BCAS3: variants seen among roughly 807,000 people sequenced by gnomAD.
The protein encoded by BCAS3 is BCAS4/BCAS3 fusion.
In BCAS3, 53 loss-of-function variants were observed where a neutral mutation model predicts 116.1. The ratio of observed to expected loss-of-function variants is 0.46; its 90% confidence interval spans 0.37 to 0.57. The LOEUF (loss-of-function observed/expected upper bound fraction) is 0.57. Ranked by LOEUF, BCAS3 falls within the 20% of genes least tolerant of loss-of-function variation. BCAS3 has a pLI of 0.00. For synonymous variants in BCAS3, 391 were observed against 408.2 expected (o/e 0.96, Z 0.51); for missense variants, 917 against 1,165.4 (o/e 0.79, Z 3.10).
In BCAS3 at chr17:61,065,522, A is replaced by G. The variant is rs912948746; in HGVS notation, c.2030-9398A>G. Among the ~76,000 whole-genome samples the G allele has an allele frequency of 6.6e-6, 1 of 152,212 alleles. No homozygotes were observed. Among genetic ancestry groups the G allele is most frequent in the African/African-American group, 2.4e-5 (1 of 41,468 alleles). ...GTGAACTTTGAGCCTGAGCTGTTTC[A>G]TTCAAGGCAGCATGATGTCATTTAA... On this transcript the variant is annotated intron_variant, in intron 19 of 23. Coordinates refer to ENST00000407086, the MANE Select transcript of BCAS3 (RefSeq NM_017679.5). The surrounding 1 kb of genome is among the most constrained non-coding windows in gnomAD (Gnocchi z 4.8).
In BCAS3 at chr17:61,354,777, T is replaced by A. The variant is rs146299121; in HGVS notation, c.2426-13550T>A. On this transcript the variant is annotated intron_variant, in intron 22 of 23. Transcript: ENST00000407086. This position sits in a 1 kb window ranked among gnomAD's most constrained non-coding sequence, Gnocchi z 4.5. ...TGACCACACACTCCAAATACACATG[T>A]TTATTGCCCAAGCTGGGAACACCAT... 1.1e-3 allele frequency: 163 copies of A among 152,308 alleles called. 1 individual carries two copies. Among genetic ancestry groups the A allele is most frequent in the African/African-American group, 3.8e-3 (156 of 41,560 alleles). The allele number at this position is 152,308 out of a possible 1,614,324, so 9.4% of individuals were successfully genotyped here. A position where few individuals can be genotyped will look rare whatever the true frequency, so the allele number is the denominator to read the frequency against.
intron 22 of BCAS3, among the ~76,000 whole-genome samples, chr17:61,242,851 AAAC>A (rs973004731): frequency 8.6e-5 from 13 of 151,708 alleles, no homozygotes; most frequent in African/African-American, 3.1e-4. Context: ...CTTTAAAAAA[AAAC>A]AAAAAAACCC....
Position 61,144,482 on chromosome 17 carries a change from CAA to C in BCAS3, c.2425+59921_2425+59922del, listed in dbSNP as rs2077092032. Among the ~76,000 whole-genome samples, 1 of 152,192 alleles carries C rather than the reference CAA, an allele frequency of 6.6e-6. No homozygotes were observed. Among genetic ancestry groups the C allele is most frequent in the South Asian group, 2.1e-4 (1 of 4,834 alleles). ...AAGCATTCTCTATCTTCTGGTAATG[CAA>C]AAGTGTTAGACATCCAGTAAGCAGC... On this transcript the variant is annotated intron_variant, in intron 22 of 23. Transcript: ENST00000407086. This position sits in a 1 kb window ranked among gnomAD's most constrained non-coding sequence, Gnocchi z 5.0.
intron 22 of BCAS3, among the ~76,000 whole-genome samples, chr17:61,148,917 GAA>G (rs1367301107): frequency 1.3e-5 from 2 of 152,188 alleles, no homozygotes; most frequent in African/African-American, 4.8e-5. Context: ...CCATTTTCCA[GAA>G]AACAGTTATT....
Position 61,367,071 on chromosome 17 carries a change from G to A in BCAS3, c.2426-1256G>A, listed in dbSNP as rs537566465. On this transcript the variant is annotated intron_variant, in intron 22 of 23. Transcript: ENST00000407086. This position sits in a 1 kb window ranked among gnomAD's most constrained non-coding sequence, Gnocchi z 6.2. ...TCTATTACCACCTGTCATTGGCAGGGAGTGTGTGCTGACACTGCCCAGCCC... is the reference window on the plus strand; with the variant it reads ...TCTATTACCACCTGTCATTGGCAGGAAGTGTGTGCTGACACTGCCCAGCCC... Among the ~76,000 whole-genome samples the A allele has an allele frequency of 6.6e-6, 1 of 152,356 alleles. No homozygotes were observed. Among genetic ancestry groups the A allele is most frequent in the African/African-American group, 2.4e-5 (1 of 41,590 alleles).
intron 6 of BCAS3, among the ~76,000 whole-genome samples, chr17:60,766,952 G>T (rs930182090): frequency 6.6e-6 from 1 of 152,196 alleles, no homozygotes; most frequent in African/African-American, 2.4e-5. Flanking sequence ...GTTTGATCTC[G>T]GACTGCTGCT....
chr17:61,296,281 G>A (rs1333987449), intron 22 of BCAS3, among the ~76,000 whole-genome samples: 1 of 152,132 alleles, frequency 6.6e-6, no homozygotes, highest in Non-Finnish European at 1.5e-5. Flanking sequence ...TAGCCCTAAT[G>A]ACAATTTGAT....
intron 21 of BCAS3, among the ~76,000 whole-genome samples, chr17:61,080,429 C>G (rs1470637992): frequency 6.6e-6 from 1 of 152,028 alleles, no homozygotes; most frequent in Non-Finnish European, 1.5e-5. Flanking sequence ...TTTTTGCTTT[C>G]CCCTGACTGA....
intron 14 of BCAS3, among the ~76,000 whole-genome samples, chr17:60,979,949 A>G (rs1457590948): frequency 1.3e-5 from 2 of 151,888 alleles, no homozygotes; most frequent in Admixed American, 6.6e-5. Flanking sequence ...ATATTGGTCT[A>G]AAATTCTCTT....
intron 7 of BCAS3, among the ~76,000 whole-genome samples, chr17:60,828,269 A>G (rs901818675): frequency 1.3e-5 from 2 of 152,230 alleles, no homozygotes; most frequent in African/African-American, 4.8e-5. Context: ...TGCATAGTGA[A>G]TAAGCCTGAA....
chr17:60,929,952 C>T (rs1232154595), intron 13 of BCAS3, among the ~76,000 whole-genome samples: 1 of 151,882 alleles, frequency 6.6e-6, no homozygotes, highest in Non-Finnish European at 1.5e-5. Context: ...GCCACATTTT[C>T]TTAATCCAGT....
chr17:60,927,904 T>G (rs1363040302), intron 13 of BCAS3, among the ~76,000 whole-genome samples: 1 of 152,106 alleles, frequency 6.6e-6, no homozygotes, highest in Non-Finnish European at 1.5e-5. Flanking sequence ...ATATTTTAAT[T>G]TTTTAAAATC....
At chr17:61,353,373 G>A (rs183772252) in intron 22 of BCAS3, among the ~76,000 whole-genome samples, 65 of 152,268 alleles carry the variant, frequency 4.3e-4, no homozygotes, top group African/African-American at 1.4e-3. Flanking sequence ...TGGTGACGCC[G>A]GCGGTCTGGG....
At chr17:61,321,400 G>A (rs1488007571) in intron 22 of BCAS3, among the ~76,000 whole-genome samples, 5 of 152,200 alleles carry the variant, frequency 3.3e-5, no homozygotes, top group Admixed American at 6.5e-5. Context: ...GCTTCTTGGG[G>A]AAGCTCATGA....
chr17:60,801,312 G>A (rs1269895497), intron 6 of BCAS3, among the ~76,000 whole-genome samples: 1 of 151,964 alleles, frequency 6.6e-6, no homozygotes, highest in Non-Finnish European at 1.5e-5. Flanking sequence ...ATGTGTCCAT[G>A]ATAGTATATA....
At chr17:61,081,262 C>T (rs1358810545) in intron 21 of BCAS3, among the ~76,000 whole-genome samples, 2 of 152,028 alleles carry the variant, frequency 1.3e-5, no homozygotes, top group Non-Finnish European at 2.9e-5. Flanking sequence ...TTTATAAAGC[C>T]CTGTGCTGTA....
chr17:61,244,639 G>A lies in BCAS3; in HGVS notation c.2426-123688G>A, dbSNP rs1261434977. 3.3e-5 allele frequency among the ~76,000 whole-genome samples: 5 copies of A among 152,132 alleles called. No homozygotes were observed. The highest frequency in any genetic ancestry group is 7.2e-5 in the African/African-American group (3 of 41,434). ...AGCACTTTGGGAGGCCAAAGCGGGC[G>A]GATCACGAGGTCAGGAGATCGAGAC... is the stretch of plus-strand genomic sequence containing the variant. On this transcript the variant is annotated intron_variant, in intron 22 of 23. Coordinates refer to ENST00000407086, the MANE Select transcript of BCAS3 (RefSeq NM_017679.5). This position sits in a 1 kb window ranked among gnomAD's most constrained non-coding sequence, Gnocchi z 4.9.
intron 22 of BCAS3, among the ~76,000 whole-genome samples, chr17:61,329,337 A>G (rs1411804824): frequency 9.4e-6 from 1 of 106,228 alleles, no homozygotes; most frequent in East Asian, 3.2e-4. Flanking sequence ...TATTATTATT[A>G]TTATTATTTT....
At chr17:61,045,942 AT>A (rs1224392944) in intron 19 of BCAS3, among the ~76,000 whole-genome samples, 3 of 17,510 alleles carry the variant, frequency 1.7e-4, no homozygotes, top group African/African-American at 5.9e-4. Context: ...AAATATATAT[AT>A]TATATATATA....
Sources: gnomAD v4.1 joint callset for allele counts (sites outside exome capture counted in the v4.1 genomes callset) on GRCh38, gnomAD v4.1.1 for gene constraint, Gnocchi (gnomAD v3.1) non-coding constraint, MANE v1.5 for transcripts, NCBI Gene and HGNC (gene_info 2026-07-23, HGNC 2026-07-21) for gene names.